The following KCNU1 variants were observed in gnomAD, a reference collection of about 807,000 sequenced individuals.
KCNU1 encodes potassium calcium-activated channel subfamily U member 1, also known as potassium channel subfamily U member 1.
A neutral mutation model predicts 126.8 loss-of-function variants in KCNU1; 93 were observed. The ratio of observed to expected loss-of-function variants is 0.73; its 90% confidence interval spans 0.62 to 0.87. KCNU1 has a LOEUF of 0.87. Ranked by LOEUF, KCNU1 falls within the 40% of genes least tolerant of loss-of-function variation. The pLI, the probability that KCNU1 is intolerant of heterozygous loss-of-function variation, is 0.00. For synonymous variants in KCNU1, 523 were observed against 494.2 expected, an observed-to-expected ratio of 1.06 and a Z score of -0.77; for missense variants, 1,330 against 1,367.1, an observed-to-expected ratio of 0.97 and a Z score of 0.43.
intron 26 of KCNU1, among the ~76,000 whole-genome samples, chr8:36,933,561 AAG>A (rs1209197448): frequency 1.3e-5 from 2 of 152,150 alleles, no homozygotes; most frequent in Non-Finnish European, 1.5e-5. Context: ...GGGAAAGGGA[AAG>A]AGAGGTTACA....
At position 36,909,321 on chromosome 8, in the gene KCNU1, G is replaced by A. The variant is rs371063694; in HGVS notation, c.2117G>A (p.Gly706Asp). ...SLDKVTLKRT[G>D]KSKYKFRNHI... Reference sequence around the variant, plus strand: ...CATCCTTATCCTTAGAAACGAACTGGCAAGTCAAAGTATAAGTTTCGGAAC... The same window carrying A: ...CATCCTTATCCTTAGAAACGAACTGACAAGTCAAAGTATAAGTTTCGGAAC... Residue 706 changes from glycine (G) to aspartate (D), a missense_variant, in exon 21 of 27, where the codon GGC (glycine) becomes GAC (aspartate). This residue lies in a region of KCNU1 where 1,054 missense variants were observed against 1,053.9 expected (regional missense o/e 1.00). Coordinates refer to ENST00000399881, the MANE Select transcript of KCNU1 (RefSeq NM_001031836.3). 8 of 1,611,090 alleles carry A rather than the reference G, an allele frequency of 5.0e-6. No individual in the cohort carries two copies. Among genetic ancestry groups the A allele is most frequent in the Non-Finnish European group, 5.9e-6 (7 of 1,177,454 alleles).
At position 36,888,803 on chromosome 8, in the gene KCNU1, G is replaced by A. The variant is rs1408233574; in HGVS notation, c.2010-16905G>A. 1.1e-5 allele frequency: 6 copies of A among 522,704 alleles called. No homozygotes were observed. In the Admixed American group the frequency reaches 1.2e-4, roughly 11 times the overall value. The allele number at this position is 522,704 out of a possible 1,614,324, so 32.4% of individuals were successfully genotyped here. ...CGAAAAACTTGAAGAACAGAGACCA[G>A]AAAGAGTGAAACTTTTTATAACAGG... On this transcript the variant is annotated intron_variant, in intron 19 of 26. Coordinates refer to ENST00000399881, the MANE Select transcript of KCNU1 (RefSeq NM_001031836.3).
At chr8:36,792,077 T>C (rs1406883264) in intron 2 of KCNU1, among the ~76,000 whole-genome samples, 2 of 152,216 alleles carry the variant, frequency 1.3e-5, no homozygotes, top group Admixed American at 6.5e-5. Flanking sequence ...TTTTCTACAC[T>C]GATCATTTAC....
At chr8:36,909,060 T>C (rs942195144) in intron 20 of KCNU1, among the ~76,000 whole-genome samples, 5 of 152,210 alleles carry the variant, frequency 3.3e-5, no homozygotes, top group Non-Finnish European at 5.9e-5. Context: ...TTTTAGTTGA[T>C]GCATTCCAAG....
chr8:36,926,646 C>T (rs933428660), intron 24 of KCNU1, among the ~76,000 whole-genome samples: 6 of 152,190 alleles, frequency 3.9e-5, no homozygotes, highest in East Asian at 3.9e-4. Flanking sequence ...AAGTCTGGTG[C>T]GGGAGGCAGG....
At chr8:36,915,453 A>T (rs113529348) in intron 22 of KCNU1, among the ~76,000 whole-genome samples, 77 of 152,356 alleles carry the variant, frequency 5.1e-4, no homozygotes, top group African/African-American at 1.7e-3. Context: ...CACAGAGTAC[A>T]TGTAACAATT....
chr8:36,804,958 C>G (rs909935440), intron 3 of KCNU1, among the ~76,000 whole-genome samples: 1 of 152,162 alleles, frequency 6.6e-6, no homozygotes, highest in Non-Finnish European at 1.5e-5. Flanking sequence ...ATACATCCTA[C>G]AAAACAAATT....
chr8:36,918,999 A>G (rs369093052), intron 23 of KCNU1, 102 bp downstream of exon 23: 7 of 772,822 alleles, frequency 9.1e-6, no homozygotes, highest in Non-Finnish European at 1.4e-5. Flanking sequence ...GGACTCAGGA[A>G]CCAGAATGGG....
intron 19 of KCNU1, among the ~76,000 whole-genome samples, chr8:36,903,782 C>CAA (rs2117499851): frequency 6.6e-6 from 1 of 152,186 alleles, no homozygotes; most frequent in Admixed American, 6.5e-5. Flanking sequence ...GGGGAGGCCT[C>CAA]AAGAAGCTTA....
chr8:36,932,399 A>C (rs1223701804), intron 25 of KCNU1, among the ~76,000 whole-genome samples: 1 of 152,114 alleles, frequency 6.6e-6, no homozygotes, highest in Non-Finnish European at 1.5e-5. Flanking sequence ...GTATGGATTG[A>C]TCCCTTTTGA....
Position 36,787,429 on chromosome 8 carries a change from A to G in KCNU1, c.315+4A>G, listed in dbSNP as rs775082376. On this transcript the variant is annotated splice_donor_region_variant and intron_variant, in intron 2 of 26. Transcript: ENST00000399881. The stretch of plus-strand genomic sequence containing the variant: ...GACCTTTGTGGGGCAAGTGTTGGTA[A>G]GTACATTTTCAGTGTTAGCTTGCTA... 3.7e-6 allele frequency: 6 copies of G among 1,604,424 alleles called. No individual in the cohort carries two copies. The highest frequency in any genetic ancestry group is 5.1e-6 in the Non-Finnish European group (6 of 1,174,818).
At chr8:36,862,382 C>G (rs561460067) in intron 18 of KCNU1, among the ~76,000 whole-genome samples, 20 of 151,980 alleles carry the variant, frequency 1.3e-4, no homozygotes, top group Non-Finnish European at 2.6e-4. Context: ...CTTTGTCTGC[C>G]TTATCTTGCA....
chr8:36,914,503 T>C (rs1390832578), intron 22 of KCNU1, among the ~76,000 whole-genome samples: 3 of 152,178 alleles, frequency 2.0e-5, no homozygotes, highest in Non-Finnish European at 2.9e-5. Flanking sequence ...CTTTTCCACA[T>C]CTTTGTAGTA....
intron 22 of KCNU1, among the ~76,000 whole-genome samples, chr8:36,916,540 A>C (rs143160832): frequency 4.1e-4 from 62 of 152,206 alleles, no homozygotes; most frequent in African/African-American, 1.3e-3. Context: ...TCTGAGAATA[A>C]AATAGAACTT....
At chr8:36,830,913 C>A (rs1339424557) in intron 10 of KCNU1, among the ~76,000 whole-genome samples, 1 of 114,394 alleles carries the variant, frequency 8.7e-6, no homozygotes, top group Non-Finnish European at 1.7e-5. Context: ...CCCCCCTCCC[C>A]CCACCCCACA....
intron 19 of KCNU1, among the ~76,000 whole-genome samples, chr8:36,892,671 A>G (rs1807014381): frequency 6.6e-6 from 1 of 152,054 alleles, no homozygotes; most frequent in South Asian, 2.1e-4. Context: ...TAATGATTGC[A>G]CTGAGATTTC....
chr8:36,893,530 T>C (rs1807060756), intron 19 of KCNU1, among the ~76,000 whole-genome samples: 1 of 152,020 alleles, frequency 6.6e-6, no homozygotes. Context: ...ATAAGGATAT[T>C]TAACAGCTTC....
At chr8:36,909,841 T>G (rs1417990390) in intron 21 of KCNU1, among the ~76,000 whole-genome samples, 3 of 152,146 alleles carry the variant, frequency 2.0e-5, no homozygotes, top group Non-Finnish European at 1.5e-5. Flanking sequence ...AATCACCATG[T>G]TTTACGGTCT....
intron 2 of KCNU1, among the ~76,000 whole-genome samples, chr8:36,802,137 C>T (rs1413219042): frequency 1.4e-5 from 2 of 140,720 alleles, no homozygotes; most frequent in South Asian, 2.3e-4. Context: ...AAAAAAGGAA[C>T]TTACGATAAG....
Sources: allele counts gnomAD v4.1 joint callset (sites outside exome capture counted in the v4.1 genomes callset), GRCh38; gene constraint gnomAD v4.1.1; regional missense constraint gnomAD v4.1.1; transcripts MANE v1.5; gene names NCBI Gene and HGNC (gene_info 2026-07-23, HGNC 2026-07-21).